Variants in HPCAL1 observed in about 807,000 individuals in gnomAD.
HPCAL1 encodes the protein hippocalcin-like protein 1.
A neutral mutation model predicts 17.1 loss-of-function variants in HPCAL1; 8 were observed. That is an observed-to-expected ratio of 0.47 (90% CI 0.27 to 0.84). The LOEUF (loss-of-function observed/expected upper bound fraction) is 0.84, where lower values mean the gene tolerates loss of function less well. HPCAL1 is among the 40% of genes least tolerant of loss of function. The pLI, the probability that HPCAL1 is intolerant of heterozygous loss-of-function variation, is 0.13. For missense variants in HPCAL1, 165 were observed against 271.1 expected, an observed-to-expected ratio of 0.61 and a Z score of 2.75; for synonymous variants, 112 against 111.4, an observed-to-expected ratio of 1.01 and a Z score of -0.03.
chr2:10,389,546 T>A lies in HPCAL1; in HGVS notation c.-110-7289T>A, dbSNP rs375483726. 2.2e-4 allele frequency among the ~76,000 whole-genome samples: 33 copies of A among 152,344 alleles called. No homozygotes were observed. In the East Asian group the frequency reaches 6.0e-3, roughly 28 times the overall value. On this transcript the variant is annotated intron_variant, in intron 1 of 4. Transcript: ENST00000307845. ...GAACTCAACTGTGCTGGCACCTTGATCTTGGACTTCCAGCCCCCAGAACTG... is the reference window on the plus strand; with the variant it reads ...GAACTCAACTGTGCTGGCACCTTGAACTTGGACTTCCAGCCCCCAGAACTG...
chr2:10,405,793 G>T (rs1669932078), intron 2 of HPCAL1, among the ~76,000 whole-genome samples: 1 of 152,212 alleles, frequency 6.6e-6, no homozygotes, highest in Non-Finnish European at 1.5e-5. Context: ...ACTGCACGAG[G>T]GGCCACATCT....
intron 2 of HPCAL1, among the ~76,000 whole-genome samples, chr2:10,414,949 C>G (rs1456199937): frequency 6.6e-6 from 1 of 152,228 alleles, no homozygotes; most frequent in Non-Finnish European, 1.5e-5. Flanking sequence ...CCTCCAGATG[C>G]TGGCTGCAAG....
intron 1 of HPCAL1, chr2:10,368,987 T>C (rs891701340): frequency 1.3e-5 from 2 of 152,196 alleles, no homozygotes; most frequent in Non-Finnish European, 2.9e-5. Flanking sequence ...GACTTGATTT[T>C]CCCAAAAGCA....
At chr2:10,408,399 T>C (rs550932107) in intron 2 of HPCAL1, among the ~76,000 whole-genome samples, 1 of 152,348 alleles carries the variant, frequency 6.6e-6, no homozygotes, top group South Asian at 2.1e-4. Context: ...GTCATTGGCC[T>C]GGAGCCCCTC....
chr2:10,403,710 T>A (rs1487987617), intron 2 of HPCAL1, among the ~76,000 whole-genome samples: 1 of 152,100 alleles, frequency 6.6e-6, no homozygotes, highest in Non-Finnish European at 1.5e-5. Flanking sequence ...CTTGAACTCC[T>A]GACTTCAGGT....
At chr2:10,390,990 T>A (rs1338421273) in intron 1 of HPCAL1, among the ~76,000 whole-genome samples, 2 of 152,152 alleles carry the variant, frequency 1.3e-5, no homozygotes, top group Non-Finnish European at 2.9e-5. Context: ...ATCACCTTCT[T>A]GAAGGCAGAG....
At chr2:10,335,287 C>T (rs1298476300) in intron 1 of HPCAL1, among the ~76,000 whole-genome samples, 1 of 152,198 alleles carries the variant, frequency 6.6e-6, no homozygotes, top group African/African-American at 2.4e-5. Flanking sequence ...CTCTGTTGCC[C>T]TCTTGGATTG....
chr2:10,314,433 ACTCGTGGCGTAAGGG>A (rs1253768772), intron 1 of HPCAL1, among the ~76,000 whole-genome samples: 1 of 152,012 alleles, frequency 6.6e-6, no homozygotes, highest in Non-Finnish European at 1.5e-5. Context: ...GAAGACAGGG[ACTCGTGGCGTAAGGG>A]CGAGACAGAC....
rs1264793580 is a variant in HPCAL1 at position 10,331,288 on chromosome 2, C to T, written c.-111+28111C>T. Among the ~76,000 whole-genome samples, 1 of 152,126 alleles carries T rather than the reference C, an allele frequency of 6.6e-6. No homozygotes were observed. Among genetic ancestry groups the T allele is most frequent in the Non-Finnish European group, 1.5e-5 (1 of 68,010 alleles). Reference sequence around the variant, plus strand: ...GTCCGCCTCTCCTGCCTCCTGAGCCCACAGGCGCCCTTCCTGTCACCCGAG... The same window carrying T: ...GTCCGCCTCTCCTGCCTCCTGAGCCTACAGGCGCCCTTCCTGTCACCCGAG... On this transcript the variant is annotated intron_variant, in intron 1 of 4. Transcript: ENST00000307845. The surrounding 1 kb of genome is among the most constrained non-coding windows in gnomAD (Gnocchi z 5.0).
intron 1 of HPCAL1, among the ~76,000 whole-genome samples, chr2:10,383,587 T>C (rs1668107150): frequency 6.6e-6 from 1 of 151,686 alleles, no homozygotes. Context: ...GGTCTCAAAC[T>C]CCTGGCCTCA....
At chr2:10,319,047 A>G (rs1663505508) in intron 1 of HPCAL1, among the ~76,000 whole-genome samples, 1 of 152,108 alleles carries the variant, frequency 6.6e-6, no homozygotes, top group Admixed American at 6.5e-5. Context: ...CCTCTTCTGA[A>G]CTCTAAAGTG....
intron 1 of HPCAL1, among the ~76,000 whole-genome samples, chr2:10,337,536 G>A (rs566397766): frequency 5.9e-5 from 9 of 152,060 alleles, no homozygotes; most frequent in Non-Finnish European, 1.2e-4. Flanking sequence ...TTATTTCCAC[G>A]TTTTATTTAC....
At chr2:10,425,233 C>T (rs1671331764) in intron 4 of HPCAL1, 1 of 153,534 alleles carries the variant, frequency 6.5e-6, no homozygotes, top group Non-Finnish European at 1.4e-5. Flanking sequence ...GATGACCACA[C>T]AGCTGGCTGC....
At chr2:10,355,849 T>C (rs1468427644) in intron 1 of HPCAL1, among the ~76,000 whole-genome samples, 1 of 152,010 alleles carries the variant, frequency 6.6e-6, no homozygotes, top group East Asian at 1.9e-4. Context: ...GCACAGGGCA[T>C]GGCTATGAGG....
At chr2:10,404,258 G>T (rs1669832332) in intron 2 of HPCAL1, among the ~76,000 whole-genome samples, 1 of 152,086 alleles carries the variant, frequency 6.6e-6, no homozygotes, top group South Asian at 2.1e-4. Flanking sequence ...GCCAGACTCT[G>T]GCCTCCTCCC....
At chr2:10,322,933 A>G (rs767675197) in intron 1 of HPCAL1, among the ~76,000 whole-genome samples, 15 of 152,288 alleles carry the variant, frequency 9.8e-5, no homozygotes, top group Non-Finnish European at 2.2e-4. Flanking sequence ...ATTGTCCCCA[A>G]GTCCCCCAGA....
At chr2:10,347,805 A>C (rs1350668733) in intron 1 of HPCAL1, among the ~76,000 whole-genome samples, 1 of 152,130 alleles carries the variant, frequency 6.6e-6, no homozygotes, top group African/African-American at 2.4e-5. Context: ...TAGCTCCCCA[A>C]ACCCTTCACT....
intron 2 of HPCAL1, among the ~76,000 whole-genome samples, chr2:10,407,705 G>A (rs1445006352): frequency 2.0e-5 from 3 of 152,176 alleles, no homozygotes; most frequent in Non-Finnish European, 2.9e-5. Context: ...TGGAGGGAGT[G>A]AGCCTTGCAG....
At chr2:10,318,425 A>T (rs1041330360) in intron 1 of HPCAL1, among the ~76,000 whole-genome samples, 1 of 151,938 alleles carries the variant, frequency 6.6e-6, no homozygotes, top group African/African-American at 2.4e-5. Context: ...GCAAGGGTCT[A>T]CTGCAGTCCC....
Sources: gnomAD v4.1 joint callset for allele counts (sites outside exome capture counted in the v4.1 genomes callset) on GRCh38, gnomAD v4.1.1 for gene constraint, Gnocchi (gnomAD v3.1) non-coding constraint, MANE v1.5 for transcripts, NCBI Gene and HGNC (gene_info 2026-07-23, HGNC 2026-07-21) for gene names.